The following SLC9B1 variants were observed in gnomAD, a reference collection of about 807,000 sequenced individuals.
SLC9B1 encodes sodium/hydrogen exchanger 9B1.
Under a neutral mutation model 51.7 loss-of-function variants are expected in SLC9B1, and 32 were observed. That is an observed-to-expected ratio of 0.62 (90% CI 0.47 to 0.83). The LOEUF is 0.83. Ranked by LOEUF, SLC9B1 falls within the 40% of genes least tolerant of loss-of-function variation. The probability of loss-of-function intolerance (pLI) is 0.00; values close to 1 mark genes in which losing one functional copy is unlikely to be tolerated. For missense variants in SLC9B1, 406 were observed against 613.2 expected (o/e 0.66, Z 3.57); for synonymous variants, 145 against 212.7 (o/e 0.68, Z 2.77).
At chr4:102,960,484 T>C (rs1263559713) in intron 3 of SLC9B1, among the ~76,000 whole-genome samples, 1 of 152,040 alleles carries the variant, frequency 6.6e-6, no homozygotes, top group Non-Finnish European at 1.5e-5. Context: ...TATTTTAAAA[T>C]AGCAAAACCC....
intron 7 of SLC9B1, among the ~76,000 whole-genome samples, chr4:102,931,340 AGAAGG>A (rs138143589): frequency 0.028 from 4,197 of 151,980 alleles, 181 homozygotes; most frequent in African/African-American, 0.092. Context: ...GAAGAAGGGA[AGAAGG>A]GAAGGGAAGG....
At chr4:102,885,361 G>C (rs1370015937) in intron 11 of SLC9B1, 2 of 1,614,068 alleles carry the variant, frequency 1.2e-6, no homozygotes, top group Non-Finnish European at 1.7e-6. Context: ...CGAAAGTAGT[G>C]AATGAAATAA....
At position 102,906,482 on chromosome 4, in the gene SLC9B1, A is replaced by C. The variant is rs755547844; in HGVS notation, c.1195+54T>G. ...TGTAAATAAAAATAAATGTATTTATAATTTTCTTAAATATTTTTGAATTTC... is the reference window on the plus strand; with the variant it reads ...TGTAAATAAAAATAAATGTATTTATCATTTTCTTAAATATTTTTGAATTTC... On this transcript the variant is annotated intron_variant, in intron 10 of 11. Coordinates refer to ENST00000296422, the MANE Select transcript of SLC9B1 (RefSeq NM_139173.4). 6 of 886,042 alleles carry C rather than the reference A, an allele frequency of 6.8e-6. No individual in the cohort carries two copies. In the South Asian group the frequency reaches 1.0e-4, roughly 15 times the overall value. 54.9% of individuals were successfully genotyped at this position (886,042 alleles called of 1,614,324 possible).
intron 1 of SLC9B1, among the ~76,000 whole-genome samples, chr4:103,010,902 C>T (rs1741056656): frequency 6.6e-6 from 1 of 152,156 alleles, no homozygotes; most frequent in African/African-American, 2.4e-5. Flanking sequence ...TAGCATTTTG[C>T]CCCTTCCCCC....
chr4:102,998,563 G>T (rs1383342714), intron 1 of SLC9B1, among the ~76,000 whole-genome samples: 4 of 150,290 alleles, frequency 2.7e-5, no homozygotes, highest in Non-Finnish European at 4.4e-5. Flanking sequence ...GGATCATATG[G>T]TAATTCTATG....
At chr4:102,913,459 T>G (rs1315683528) in intron 7 of SLC9B1, among the ~76,000 whole-genome samples, 1 of 152,222 alleles carries the variant, frequency 6.6e-6, no homozygotes, top group Non-Finnish European at 1.5e-5. Context: ...CCTATAGCCA[T>G]GCTGATTCAG....
At chr4:102,971,026 C>T (rs1738731787) in intron 3 of SLC9B1, among the ~76,000 whole-genome samples, 1 of 152,150 alleles carries the variant, frequency 6.6e-6, no homozygotes, top group African/African-American at 2.4e-5. Context: ...TAGACATCCA[C>T]ACAATAATAA....
intron 7 of SLC9B1, among the ~76,000 whole-genome samples, chr4:102,922,920 T>C (rs1192852529): frequency 6.6e-6 from 1 of 152,032 alleles, no homozygotes; most frequent in Non-Finnish European, 1.5e-5. Flanking sequence ...ATTAATAGCC[T>C]ACCAACCAAA....
chr4:102,971,084 C>G (rs553705424), intron 3 of SLC9B1, among the ~76,000 whole-genome samples: 1 of 152,254 alleles, frequency 6.6e-6, no homozygotes, highest in East Asian at 1.9e-4. Flanking sequence ...ATCAATGAGA[C>G]AGAAGGTTAA....
At chr4:102,986,363 A>G (rs1739625473) in intron 3 of SLC9B1, among the ~76,000 whole-genome samples, 1 of 149,894 alleles carries the variant, frequency 6.7e-6, no homozygotes, top group African/African-American at 2.5e-5. Flanking sequence ...TTGCTCTTTT[A>G]TGGGTAGTTT....
intron 3 of SLC9B1, among the ~76,000 whole-genome samples, chr4:102,988,151 T>A (rs1432131866): frequency 6.6e-6 from 1 of 152,078 alleles, no homozygotes; most frequent in African/African-American, 2.4e-5. Flanking sequence ...TTTAATTCAT[T>A]TAAAGAAAAA....
intron 3 of SLC9B1, among the ~76,000 whole-genome samples, chr4:102,975,573 T>C (rs1300595914): frequency 0.017 from 1,899 of 111,542 alleles, 121 homozygotes; most frequent in East Asian, 0.032. Context: ...TACATATATA[T>C]ATATATATAT....
At chr4:102,923,347 T>G (rs1229211651) in intron 7 of SLC9B1, among the ~76,000 whole-genome samples, 1 of 152,150 alleles carries the variant, frequency 6.6e-6, no homozygotes, top group Admixed American at 6.5e-5. Flanking sequence ...AAAAGGCCTT[T>G]GACAAAATTC....
At chr4:102,921,118 C>T (rs1735852480) in intron 7 of SLC9B1, among the ~76,000 whole-genome samples, 1 of 152,086 alleles carries the variant, frequency 6.6e-6, no homozygotes, top group Non-Finnish European at 1.5e-5. Context: ...ATCAGATTCA[C>T]CAAGGTTGAA....
chr4:103,018,831 T>C (rs963993736), intron 1 of SLC9B1, among the ~76,000 whole-genome samples: 1 of 152,138 alleles, frequency 6.6e-6, no homozygotes, highest in Non-Finnish European at 1.5e-5. Flanking sequence ...TTGTGGCCTA[T>C]TAGGAACAGG....
chr4:102,913,554 G>A (rs749790145), intron 7 of SLC9B1, among the ~76,000 whole-genome samples: 2 of 151,280 alleles, frequency 1.3e-5, no homozygotes, highest in African/African-American at 2.4e-5. Flanking sequence ...GCAAAAATAA[G>A]TAAAAAATAA....
intron 1 of SLC9B1, among the ~76,000 whole-genome samples, chr4:103,004,645 G>C (rs1740690469): frequency 6.6e-6 from 1 of 152,044 alleles, no homozygotes; most frequent in Non-Finnish European, 1.5e-5. Flanking sequence ...GATTCTCCAA[G>C]GTCGAAATGA....
chr4:102,901,292 G>A lies in SLC9B1; in HGVS notation c.1373C>T (p.Ser458Phe). ...CGCATATGGTTCCAAGTGGGGTGCG[G>A]AGACTCTTGCTGTTTCTAGAGCCAG... ...GPLALETARVSAPHLEPYAKD... is the reference protein window; with the variant it reads ...GPLALETARVFAPHLEPYAKD... Residue 458 changes from serine (S) to phenylalanine (F), a missense_variant, in exon 12 of 12, where the codon TCC (serine) becomes TTC (phenylalanine). Physicochemically the swap from Ser to Phe is radical, Grantham distance 155. Coordinates refer to ENST00000296422, the MANE Select transcript of SLC9B1 (RefSeq NM_139173.4). 6.2e-7 allele frequency: 1 copy of A among 1,612,062 alleles called. No individual in the cohort carries two copies.
intron 3 of SLC9B1, among the ~76,000 whole-genome samples, chr4:102,965,934 T>C (rs115503804): frequency 0.02 from 3,098 of 152,266 alleles, 86 homozygotes; most frequent in African/African-American, 0.071. Context: ...GGGCAGACAC[T>C]AAATCTTAAA....
Sources: gnomAD v4.1 joint callset for allele counts (sites outside exome capture counted in the v4.1 genomes callset) on GRCh38, gnomAD v4.1.1 for gene constraint, MANE v1.5 for transcripts, NCBI Gene and HGNC (gene_info 2026-07-23, HGNC 2026-07-21) for gene names.